The following THEM6 variants were observed in gnomAD, a reference collection of about 807,000 sequenced individuals.
THEM6 encodes the protein thioesterase superfamily member 6, also known as protein THEM6.
A neutral mutation model predicts 13.7 loss-of-function variants in THEM6; 10 were observed. The ratio of observed to expected loss-of-function variants is 0.73; its 90% confidence interval spans 0.45 to 1.24. The LOEUF (loss-of-function observed/expected upper bound fraction) is 1.24. Ranked by LOEUF, THEM6 falls within the 50% of genes most tolerant of loss-of-function variation. The pLI is 0.00. For synonymous variants in THEM6, 161 were observed against 156.0 expected (o/e 1.03, Z -0.24); for missense variants, 317 against 312.6 (o/e 1.01, Z -0.11).
intron 1 of THEM6, among the ~76,000 whole-genome samples, chr8:142,732,032 C>A (rs1554642986): frequency 6.6e-6 from 1 of 151,038 alleles, no homozygotes; most frequent in Non-Finnish European, 1.5e-5. Context: ...GCTGGTCTTT[C>A]CTTTGTCTCT....
Position 142,727,343 on chromosome 8 carries a change from C to A in THEM6, c.-4C>A. 6.6e-7 allele frequency: 1 copy of A among 1,508,996 alleles called. No individual in the cohort carries two copies. The allele number at this position is 1,508,996 out of a possible 1,614,324, so 93.5% of individuals were successfully genotyped here. A position where few individuals can be genotyped will look rare whatever the true frequency, so the allele number is the denominator to read the frequency against. On this transcript the variant is annotated 5_prime_UTR_variant, in exon 1 of 2. Coordinates refer to ENST00000336138, the MANE Select transcript of THEM6 (RefSeq NM_016647.3). ...CGCAGGACCCCGCGCCCGCCGCCGC[C>A]GCTATGCTGGGGCTGCTGGTGGCGT... is the stretch of plus-strand genomic sequence containing the variant.
At chr8:142,732,987 A>G (rs1324023122) in intron 1 of THEM6, among the ~76,000 whole-genome samples, 4 of 152,220 alleles carry the variant, frequency 2.6e-5, no homozygotes, top group African/African-American at 9.7e-5. Flanking sequence ...CAGAAAGGAC[A>G]CACTTGCCAT....
At chr8:142,728,224 AG>A (rs1257816341) in intron 1 of THEM6, among the ~76,000 whole-genome samples, 3 of 152,072 alleles carry the variant, frequency 2.0e-5, no homozygotes, top group Non-Finnish European at 4.4e-5. Flanking sequence ...TCCTGAATAT[AG>A]GTTGGAGAGG....
intron 1 of THEM6, among the ~76,000 whole-genome samples, chr8:142,731,862 C>T (rs1255463175): frequency 1.3e-5 from 2 of 152,130 alleles, no homozygotes; most frequent in Non-Finnish European, 2.9e-5. Context: ...ATTTGCATGG[C>T]TGCAGTCCGG....
In THEM6 at chr8:142,727,538, C is replaced by T; in HGVS notation, c.192C>T (p.His64=). 1 of 1,569,760 alleles carries T rather than the reference C, an allele frequency of 6.4e-7. No individual in the cohort carries two copies. ...CCTCGGACTTGGACCTGCTGCTGCA[C>T]ATGAACAACGCGCGCTACCTGCGCG... The part of the protein sequence containing the change: ...VLPSDLDLLL[H]MNNARYLREA... Residue 64 remains histidine (H), a synonymous_variant, in exon 1 of 2, where the codon CAC becomes CAT. Transcript: ENST00000336138.
In THEM6 at chr8:142,736,219, G is replaced by C. The variant is rs1321292296; in HGVS notation, c.*780G>C. ...GTTGGAGGGAATAGAGTGGGGGTGGGACTCTGCAGGGGTGTCCTTGTCCAC... is the reference window on the plus strand; with the variant it reads ...GTTGGAGGGAATAGAGTGGGGGTGGCACTCTGCAGGGGTGTCCTTGTCCAC... On this transcript the variant is annotated 3_prime_UTR_variant, in exon 2 of 2. Transcript: ENST00000336138. 6.6e-6 allele frequency: 1 copy of C among 152,370 alleles called. No homozygotes were observed. Among genetic ancestry groups the C allele is most frequent in the African/African-American group, 2.4e-5 (1 of 41,442 alleles). The allele number at this position is 152,370 out of a possible 1,614,324, so 9.4% of individuals were successfully genotyped here. A position where few individuals can be genotyped will look rare whatever the true frequency, so the allele number is the denominator to read the frequency against.
intron 1 of THEM6, among the ~76,000 whole-genome samples, chr8:142,732,106 G>A (rs1490647953): frequency 1.4e-5 from 2 of 142,534 alleles, no homozygotes; most frequent in African/African-American, 2.6e-5. Context: ...ACCAACCAGC[G>A]GGAGTGAAGC....
At chr8:142,734,489 G>A (rs373428685) in intron 1 of THEM6, 5 of 152,616 alleles carry the variant, frequency 3.3e-5, no homozygotes, top group East Asian at 3.9e-4. Context: ...GAAAGACCGC[G>A]GCTGCAGTTT....
At chr8:142,734,231 G>A (rs1174095319) in intron 1 of THEM6, among the ~76,000 whole-genome samples, 1 of 151,562 alleles carries the variant, frequency 6.6e-6, no homozygotes, top group Non-Finnish European at 1.5e-5. Flanking sequence ...TTACAGTCAG[G>A]AACCCCCTAA....
chr8:142,728,959 A>G (rs10101294), intron 1 of THEM6, among the ~76,000 whole-genome samples: 4,737 of 73,150 alleles, frequency 0.065, 156 homozygotes, highest in East Asian at 0.15. Flanking sequence ...TTTTTTTTTC[A>G]GACGGATTCT....
chr8:142,727,597 G>A lies in THEM6; in HGVS notation c.251G>A (p.Arg84His), dbSNP rs587666131. The A allele has an allele frequency of 3.3e-6, 5 of 1,514,008 alleles. No individual in the cohort carries two copies. The South Asian group carries it at 3.7e-5, about 11-fold the overall frequency. 93.8% of individuals were successfully genotyped at this position (1,514,008 alleles called of 1,614,324 possible). ...TTTGCGCGCGTCGCGCACCTGACCC[G>A]CTGCGGGGTGCTCGGGGCGCTGAGG... is the stretch of plus-strand genomic sequence containing the variant. ...ADFARVAHLT[R>H]CGVLGALREL... The change falls in exon 1 of 2, where the codon CGC becomes CAC. Residue 84 changes from arginine to histidine, a missense_variant. Transcript: ENST00000336138.
At chr8:142,728,398 G>A (rs1187920916) in intron 1 of THEM6, among the ~76,000 whole-genome samples, 2 of 152,218 alleles carry the variant, frequency 1.3e-5, no homozygotes, top group Non-Finnish European at 1.5e-5. Flanking sequence ...AGAGAGGAGG[G>A]CCATGCACCT....
intron 1 of THEM6, among the ~76,000 whole-genome samples, chr8:142,733,903 A>C (rs963529662): frequency 1.3e-5 from 2 of 152,194 alleles, no homozygotes; most frequent in Admixed American, 1.3e-4. Flanking sequence ...TAGATGTAAA[A>C]GTTTTCTGAT....
Position 142,727,350 on chromosome 8 carries a change from C to A in THEM6, c.4C>A (p.Leu2Met). The A allele has an allele frequency of 1.3e-6, 2 of 1,516,750 alleles. No homozygotes were observed. The highest frequency in any genetic ancestry group is 2.4e-5 in the South Asian group (2 of 82,412). The allele number at this position is 1,516,750 out of a possible 1,614,324, so 94.0% of individuals were successfully genotyped here. Residue 2 changes from leucine to methionine, a missense_variant, in exon 1 of 2, where the codon CTG (leucine) becomes ATG (methionine). Physicochemically the swap from Leu to Met is conservative, Grantham distance 15 (BLOSUM62 2). Coordinates refer to ENST00000336138, the MANE Select transcript of THEM6 (RefSeq NM_016647.3). MLGLLVALLALG... is the reference protein window; with the variant it reads MMGLLVALLALG... The stretch of plus-strand genomic sequence containing the variant: ...CCCCGCGCCCGCCGCCGCCGCTATG[C>A]TGGGGCTGCTGGTGGCGTTGCTGGC...
At chr8:142,728,600 G>A (rs1411212372) in intron 1 of THEM6, among the ~76,000 whole-genome samples, 2 of 152,244 alleles carry the variant, frequency 1.3e-5, no homozygotes, top group Admixed American at 1.3e-4. Context: ...TCTCGGACAG[G>A]TGCCTCCCGA....
Position 142,735,409 on chromosome 8 carries a change from T to A in THEM6, c.597T>A (p.Ser199Arg). 1.9e-6 allele frequency: 3 copies of A among 1,582,728 alleles called. No homozygotes were observed. Among genetic ancestry groups the A allele is most frequent in the Non-Finnish European group, 2.6e-6 (3 of 1,164,700 alleles). ...EASSQLLRMESGLSDVTKDQ is the reference protein window; with the variant it reads ...EASSQLLRMERGLSDVTKDQ ...GCAGCCAGCTGCTCCGCATGGAGAG[T>A]GGGCTCAGTGATGTCACCAAGGACC... Residue 199 changes from serine (S) to arginine (R), a missense_variant, in exon 2 of 2, where the codon AGT (serine) becomes AGA (arginine). By Grantham distance (110) the Ser-to-Arg change is moderately radical. Coordinates refer to ENST00000336138, the MANE Select transcript of THEM6 (RefSeq NM_016647.3).
chr8:142,734,195 G>A (rs1815710191), intron 1 of THEM6, among the ~76,000 whole-genome samples: 1 of 152,144 alleles, frequency 6.6e-6, no homozygotes, highest in Admixed American at 6.5e-5. Context: ...AGATGGTTGG[G>A]GGTACCTTCC....
In THEM6 at chr8:142,735,714, A is replaced by G. The variant is rs1815747101; in HGVS notation, c.*275A>G. The G allele has an allele frequency of 9.0e-6, 4 of 446,714 alleles. No individual in the cohort carries two copies. Among genetic ancestry groups the G allele is most frequent in the Non-Finnish European group, 1.3e-5 (3 of 239,846 alleles). The allele number at this position is 446,714 out of a possible 1,614,324, so 27.7% of individuals were successfully genotyped here. ...GAGAGTCCTGCCTGGCCCTACGATGAGGCCACTCATGTGGGCCTAGGTAGG... is the reference window on the plus strand; with the variant it reads ...GAGAGTCCTGCCTGGCCCTACGATGGGGCCACTCATGTGGGCCTAGGTAGG... On this transcript the variant is annotated 3_prime_UTR_variant, in exon 2 of 2. Transcript: ENST00000336138.
rs192370658 is a variant in THEM6 at position 142,733,710 on chromosome 8, A to T, written c.514-1616A>T. ...ATGTGAACCAAAAAGTATCGGAGATATGTCTCAGTCAATTTAGAAAGTTTA... is the reference window on the plus strand; with the variant it reads ...ATGTGAACCAAAAAGTATCGGAGATTTGTCTCAGTCAATTTAGAAAGTTTA... On this transcript the variant is annotated intron_variant, in intron 1 of 1. Coordinates refer to ENST00000336138, the MANE Select transcript of THEM6 (RefSeq NM_016647.3). Among the ~76,000 whole-genome samples the T allele has an allele frequency of 8.8e-3, 1,348 of 152,338 alleles. 16 individuals are homozygous for T. Among genetic ancestry groups the T allele is most frequent in the African/African-American group, 0.031 (1,306 of 41,582 alleles).
Sources: gnomAD v4.1 joint callset for allele counts (sites outside exome capture counted in the v4.1 genomes callset) on GRCh38, gnomAD v4.1.1 for gene constraint, MANE v1.5 for transcripts, NCBI Gene and HGNC (gene_info 2026-07-23, HGNC 2026-07-21) for gene names.